Variants in AFF3 observed in about 807,000 individuals in gnomAD.
AFF3 encodes ALF transcription elongation factor 3.
In AFF3, 32 loss-of-function variants were observed where a neutral mutation model predicts 129.7. That is an observed-to-expected ratio of 0.25 (90% CI 0.19 to 0.33). The LOEUF is 0.33. Among genes scored for constraint, AFF3 ranks in the 10% least tolerant of loss-of-function variants. AFF3 has a pLI of 1.00. For synonymous variants in AFF3, 644 were observed against 635.4 expected, an observed-to-expected ratio of 1.01 and a Z score of -0.20; for missense variants, 1,373 against 1,592.0, an observed-to-expected ratio of 0.86 and a Z score of 2.34.
At chr2:99,670,581 G>T (rs530886022) in intron 12 of AFF3, among the ~76,000 whole-genome samples, 8 of 151,972 alleles carry the variant, frequency 5.3e-5, no homozygotes, top group African/African-American at 1.9e-4. Flanking sequence ...TGCTGCTTCC[G>T]GGATAAAGCA....
chr2:99,739,010 T>A (rs2105095433), intron 10 of AFF3, among the ~76,000 whole-genome samples: 1 of 95,906 alleles, frequency 1.0e-5, no homozygotes, highest in Admixed American at 1.2e-4. Flanking sequence ...AGTGAACTGT[T>A]CAATTTTTTT....
chr2:100,049,759 T>TA (rs560394043), intron 4 of AFF3, among the ~76,000 whole-genome samples: 164 of 152,286 alleles, frequency 1.1e-3, no homozygotes, highest in African/African-American at 3.9e-3. Context: ...CTTGAAATTT[T>TA]AAAAAATCAC....
At chr2:99,596,972 C>T (rs1679350995) in intron 14 of AFF3, among the ~76,000 whole-genome samples, 1 of 152,170 alleles carries the variant, frequency 6.6e-6, no homozygotes, top group African/African-American at 2.4e-5. Context: ...CGTTTAAGGG[C>T]GTCCATTATC....
chr2:100,134,721 A>G (rs2105599267), intron 1 of AFF3, among the ~76,000 whole-genome samples: 1 of 152,354 alleles, frequency 6.6e-6, no homozygotes, highest in East Asian at 1.9e-4. Flanking sequence ...CATAGCAGTT[A>G]GACAGCGTCT....
At chr2:100,002,804 C>T (rs1266642739) in intron 7 of AFF3, among the ~76,000 whole-genome samples, 6 of 152,198 alleles carry the variant, frequency 3.9e-5, no homozygotes, top group African/African-American at 1.4e-4. Flanking sequence ...TTGGAATACA[C>T]TGCTGAAGCT....
At chr2:100,098,921 T>C (rs1430541217) in intron 4 of AFF3, among the ~76,000 whole-genome samples, 1 of 120,258 alleles carries the variant, frequency 8.3e-6, no homozygotes, top group East Asian at 2.1e-4. Flanking sequence ...TCCAGGCTGA[T>C]GAGCAGCCCC....
intron 9 of AFF3, 52 bp downstream of exon 9, chr2:99,752,168 AG>A (rs2105204368): frequency 6.7e-7 from 1 of 1,488,752 alleles, no homozygotes; most frequent in South Asian, 1.1e-5. Flanking sequence ...ACTGCCCACT[AG>A]AAATGCCTGC....
intron 17 of AFF3, 119 bp from the exon 18 acceptor site, chr2:99,578,570 T>C (rs1254395070): frequency 7.1e-7 from 1 of 1,414,332 alleles, no homozygotes; most frequent in South Asian, 1.4e-5. Context: ...GTGTGCTGTA[T>C]TAGAATTGAT....
chr2:99,554,707 G>A lies in AFF3; in HGVS notation c.3311C>T (p.Pro1104Leu). ...CTTTCCACTGGCCCCCCACGGAGAT[G>A]GGGCTTGGGCGGCTTTAGATGAGTT... is the stretch of plus-strand genomic sequence containing the variant. ...FKNSSKAAQA[P>L]SPWGASGKST... is the part of the protein sequence containing the mutation. Residue 1104 changes from proline (P) to leucine (L), a missense_variant, in exon 23 of 25, where the codon CCA becomes CTA. By Grantham distance (98) the Pro-to-Leu change is moderately conservative (BLOSUM62 -3). This residue lies in a region of AFF3 where 165 missense variants were observed against 234.0 expected (regional missense o/e 0.71). Transcript: ENST00000672756. The A allele has an allele frequency of 6.2e-7, 1 of 1,614,228 alleles. No homozygotes were observed. Among genetic ancestry groups the A allele is most frequent in the Non-Finnish European group, 8.5e-7 (1 of 1,180,036 alleles).
chr2:99,991,494 T>A (rs186175182), intron 7 of AFF3, among the ~76,000 whole-genome samples: 1 of 152,304 alleles, frequency 6.6e-6, no homozygotes, highest in East Asian at 1.9e-4. Flanking sequence ...GTTGCCAGAC[T>A]TAGAGGGAAA....
At chr2:99,911,622 T>C (rs1249261876) in intron 7 of AFF3, among the ~76,000 whole-genome samples, 1 of 152,162 alleles carries the variant, frequency 6.6e-6, no homozygotes, top group Non-Finnish European at 1.5e-5. Flanking sequence ...GTATTATGTA[T>C]TATTTGCAAA....
intron 2 of AFF3, among the ~76,000 whole-genome samples, chr2:100,128,654 C>T (rs72968866): frequency 0.02 from 3,011 of 152,236 alleles, 99 homozygotes; most frequent in African/African-American, 0.067. Context: ...AGCCTTAGAT[C>T]GAGCCACTGT....
At chr2:99,687,227 C>T (rs948960047) in intron 11 of AFF3, among the ~76,000 whole-genome samples, 8 of 152,338 alleles carry the variant, frequency 5.3e-5, no homozygotes, top group Non-Finnish European at 1.0e-4. Flanking sequence ...GCTTCTGAGG[C>T]ACTTTGATCA....
chr2:99,670,260 C>T (rs1211218902), intron 12 of AFF3, among the ~76,000 whole-genome samples: 4 of 152,076 alleles, frequency 2.6e-5, no homozygotes, highest in African/African-American at 4.8e-5. Flanking sequence ...GAGTCTGAGG[C>T]GATCTGAGGA....
chr2:99,693,586 T>A (rs761837869), intron 11 of AFF3, among the ~76,000 whole-genome samples: 74 of 152,160 alleles, frequency 4.9e-4, no homozygotes, highest in Non-Finnish European at 9.7e-4. Flanking sequence ...TCCTGGATAC[T>A]GCAATTTGTA....
At chr2:100,010,045 C>T (rs1206603055) in intron 4 of AFF3, among the ~76,000 whole-genome samples, 4 of 152,070 alleles carry the variant, frequency 2.6e-5, no homozygotes, top group Middle Eastern at 3.2e-3. Flanking sequence ...CCCAAATCAG[C>T]GACATGGGGA....
At chr2:100,092,369 C>A (rs1461348011) in intron 4 of AFF3, among the ~76,000 whole-genome samples, 1 of 152,156 alleles carries the variant, frequency 6.6e-6, no homozygotes, top group Non-Finnish European at 1.5e-5. Flanking sequence ...CCGGCCCAGG[C>A]TAGTCAGCCC....
At chr2:100,074,033 A>T (rs2105317689) in intron 4 of AFF3, among the ~76,000 whole-genome samples, 1 of 152,290 alleles carries the variant, frequency 6.6e-6, no homozygotes, top group East Asian at 1.9e-4. Flanking sequence ...CTGAGTAGAA[A>T]ACTGCGAACG....
intron 24 of AFF3, among the ~76,000 whole-genome samples, chr2:99,551,816 T>A (rs1674435344): frequency 6.6e-6 from 1 of 152,214 alleles, no homozygotes; most frequent in African/African-American, 2.4e-5. Context: ...CATTTCTAAC[T>A]CAAATGAATA....
Sources: allele counts gnomAD v4.1 joint callset (sites outside exome capture counted in the v4.1 genomes callset), GRCh38; gene constraint gnomAD v4.1.1; regional missense constraint gnomAD v4.1.1; transcripts MANE v1.5; gene names NCBI Gene and HGNC (gene_info 2026-07-23, HGNC 2026-07-21).